YTHDC2: variants seen among roughly 807,000 people sequenced by gnomAD.
The protein encoded by YTHDC2 is 3'-5' RNA helicase YTHDC2.
Under a neutral mutation model 174.9 loss-of-function variants are expected in YTHDC2, and 45 were observed. The observed-to-expected ratio is 0.26, with a 90% CI of 0.20 to 0.33. The LOEUF (loss-of-function observed/expected upper bound fraction) is 0.33. Among genes scored for constraint, YTHDC2 ranks in the 10% least tolerant of loss-of-function variants. The probability of loss-of-function intolerance (pLI) is 1.00; values close to 1 mark genes in which losing one functional copy is unlikely to be tolerated. For synonymous variants in YTHDC2, 657 were observed against 574.5 expected (o/e 1.14, Z -2.05); for missense variants, 1,650 against 1,723.7 (o/e 0.96, Z 0.76).
At position 113,540,992 on chromosome 5, in the gene YTHDC2, C is replaced by G. The variant is rs778617591; in HGVS notation, c.1235C>G (p.Thr412Arg). The G allele has an allele frequency of 6.2e-7, 1 of 1,613,148 alleles. No homozygotes were observed. The highest frequency in any genetic ancestry group is 1.1e-5 in the South Asian group (1 of 90,874). Residue 412 changes from threonine to arginine, a missense_variant, in exon 9 of 30, where the codon ACA (threonine) becomes AGA (arginine). Thr to Arg is a moderately conservative substitution (Grantham distance 71, BLOSUM62 -1). This residue lies in a region of YTHDC2 where 411 missense variants were observed against 380.6 expected (regional missense o/e 1.08). Coordinates refer to ENST00000161863, the MANE Select transcript of YTHDC2 (RefSeq NM_022828.5). ...QQEEKQQTTL[T>R]EWYSAQENSF... is the part of the protein sequence containing the mutation. ...GAAGAGAAACAACAAACCACACTTA[C>G]AGAATGGTACTCAGCTCAAGAAAAT... is the stretch of plus-strand genomic sequence containing the variant.
At position 113,593,351 on chromosome 5, in the gene YTHDC2, C is replaced by T. The variant is rs147070324; in HGVS notation, c.4261C>T (p.Leu1421Phe). 86 of 1,612,824 alleles carry T rather than the reference C, an allele frequency of 5.3e-5. 1 individual carries two copies. The East Asian group carries it at 1.6e-3, about 30-fold the overall frequency. ...GEQLLQLWER[L>F]PLGEKNTTD ...ACAGTTGCTCCAGTTATGGGAACGT[C>T]TTCCCTTGGGAGAAAAAAACACAAC... is the stretch of plus-strand genomic sequence containing the variant. Residue 1421 changes from leucine (L) to phenylalanine (F), a missense_variant, in exon 29 of 30, where the codon CTT becomes TTT. Coordinates refer to ENST00000161863, the MANE Select transcript of YTHDC2 (RefSeq NM_022828.5).
At chr5:113,536,229 A>G (rs1775061626) in intron 7 of YTHDC2, among the ~76,000 whole-genome samples, 1 of 152,198 alleles carries the variant, frequency 6.6e-6, no homozygotes, top group Non-Finnish European at 1.5e-5. Context: ...TCCTCTTCAA[A>G]AAATACAAAA....
In YTHDC2 at chr5:113,579,562, T is replaced by C. The variant is rs769347104; in HGVS notation, c.3245-24T>C. The C allele has an allele frequency of 1.9e-6, 3 of 1,541,794 alleles. No individual in the cohort carries two copies. In the Admixed American group the frequency reaches 5.9e-5, roughly 30 times the overall value. On this transcript the variant is annotated intron_variant, in intron 23 of 29. Coordinates refer to ENST00000161863, the MANE Select transcript of YTHDC2 (RefSeq NM_022828.5). ...TAACGTAAGAAGGTAAAAGTGATTT[T>C]TTTTTCATTATGTACTTGGACAGTG...
intron 16 of YTHDC2, among the ~76,000 whole-genome samples, chr5:113,554,481 A>C (rs1441791024): frequency 1.3e-5 from 2 of 152,056 alleles, no homozygotes; most frequent in Non-Finnish European, 2.9e-5. Context: ...TGTTCAAAAG[A>C]TACTCAGTTC....
At chr5:113,563,783 T>C in intron 19 of YTHDC2, 76 bp from the exon 20 acceptor site, 2 of 1,495,084 alleles carry the variant, frequency 1.3e-6, no homozygotes, top group South Asian at 2.5e-5. Context: ...TTATTTCTCA[T>C]TTAGGGGTTT....
chr5:113,539,067 T>G lies in YTHDC2; in HGVS notation c.1103-7T>G. ...AGTTGAGTATTTAATTTTTTTTTAT[T>G]ATTTAGTACAGGGAAGACCATTTGA... On this transcript the variant is annotated splice_region_variant and splice_polypyrimidine_tract_variant and intron_variant, in intron 7 of 29. Coordinates refer to ENST00000161863, the MANE Select transcript of YTHDC2 (RefSeq NM_022828.5). 7.6e-7 allele frequency: 1 copy of G among 1,308,700 alleles called. No individual in the cohort carries two copies. Among genetic ancestry groups the G allele is most frequent in the Non-Finnish European group, 1.0e-6 (1 of 969,798 alleles). The allele number at this position is 1,308,700 out of a possible 1,614,324, so 81.1% of individuals were successfully genotyped here. A position where few individuals can be genotyped will look rare whatever the true frequency, so the allele number is the denominator to read the frequency against.
intron 2 of YTHDC2, among the ~76,000 whole-genome samples, chr5:113,519,835 G>C (rs1773740870): frequency 6.6e-6 from 1 of 152,064 alleles, no homozygotes; most frequent in Non-Finnish European, 1.5e-5. Context: ...TCACACAAAT[G>C]CCATTCAGAG....
In YTHDC2 at chr5:113,594,718, C is replaced by G. The variant is rs564024025; in HGVS notation, c.*1244C>G. On this transcript the variant is annotated 3_prime_UTR_variant, in exon 30 of 30. Coordinates refer to ENST00000161863, the MANE Select transcript of YTHDC2 (RefSeq NM_022828.5). ...CTCTAAATAGACAGGTTTGATGGCA[C>G]TTCTCATGATACATTTTAGTTATTC... The G allele has an allele frequency of 6.6e-6, 1 of 152,238 alleles. No individual in the cohort carries two copies. Among genetic ancestry groups the G allele is most frequent in the East Asian group, 1.9e-4 (1 of 5,184 alleles). The allele number at this position is 152,238 out of a possible 1,614,324, so 9.4% of individuals were successfully genotyped here.
At position 113,567,705 on chromosome 5, in the gene YTHDC2, T is replaced by G; in HGVS notation, c.3100T>G (p.Trp1034Gly). 1 of 1,608,536 alleles carries G rather than the reference T, an allele frequency of 6.2e-7. No individual in the cohort carries two copies. Among genetic ancestry groups the G allele is most frequent in the Non-Finnish European group, 8.5e-7 (1 of 1,177,782 alleles). ...AGCAATTAAGGCACTGCCCACAGAT[T>G]GGCTTATTTATGATGAAATGACCAG... ...AAAIKALPTD[W>G]LIYDEMTRAH... Residue 1034 changes from tryptophan to glycine, a missense_variant, in exon 23 of 30, where the codon TGG (tryptophan) becomes GGG (glycine). Physicochemically the swap from Trp to Gly is radical, Grantham distance 184 (BLOSUM62 -2). This residue lies in a region of YTHDC2 where 913 missense variants were observed against 940.4 expected (regional missense o/e 0.97). Coordinates refer to ENST00000161863, the MANE Select transcript of YTHDC2 (RefSeq NM_022828.5).
At position 113,561,111 on chromosome 5, in the gene YTHDC2, C is replaced by A. The variant is rs745327872; in HGVS notation, c.2248C>A (p.Arg750Ser). 6.2e-7 allele frequency: 1 copy of A among 1,608,660 alleles called. No individual in the cohort carries two copies. Among genetic ancestry groups the A allele is most frequent in the Admixed American group, 1.7e-5 (1 of 59,814 alleles). Residue 750 changes from arginine (R) to serine (S), a missense_variant, in exon 18 of 30, where the codon CGT (arginine) becomes AGT (serine). Arg to Ser is a moderately radical substitution (Grantham distance 110). Transcript: ENST00000161863. ...GCGATGTAGACCTGGAATTTGTTTT[C>A]GTCTGTTCAGTAGACTCCGATTCCA... Reference protein sequence around the residue: ...AGRCRPGICFRLFSRLRFQNM... With the variant: ...AGRCRPGICFSLFSRLRFQNM...
intron 10 of YTHDC2, among the ~76,000 whole-genome samples, chr5:113,544,926 A>T (rs1775753720): frequency 2.0e-5 from 3 of 152,014 alleles, no homozygotes; most frequent in Non-Finnish European, 4.4e-5. Context: ...ATTGATTCAT[A>T]TTGTTTTTGA....
At chr5:113,574,877 C>G (rs1381405644) in intron 23 of YTHDC2, among the ~76,000 whole-genome samples, 1 of 152,204 alleles carries the variant, frequency 6.6e-6, no homozygotes, top group Non-Finnish European at 1.5e-5. Flanking sequence ...CATGGGCTCA[C>G]AAAGGGATCC....
chr5:113,566,098 C>T (rs1017494553), intron 21 of YTHDC2, 79 bp downstream of exon 21: 5 of 1,361,128 alleles, frequency 3.7e-6, no homozygotes, highest in Non-Finnish European at 4.9e-6. Flanking sequence ...CTTATGTTAA[C>T]TGATGCCATC....
chr5:113,538,013 G>T (rs189220180), intron 7 of YTHDC2, among the ~76,000 whole-genome samples: 2 of 152,082 alleles, frequency 1.3e-5, no homozygotes, highest in East Asian at 3.9e-4. Context: ...TTCTTTTCAG[G>T]TTTCTTTGTT....
chr5:113,582,563 C>CA (rs1268250680), intron 25 of YTHDC2: 3 of 151,952 alleles, frequency 2.0e-5, no homozygotes, highest in African/African-American at 7.2e-5. Context: ...AAATTCATAA[C>CA]AAAAAACATT....
At chr5:113,567,929 C>T (rs1181038968) in intron 23 of YTHDC2, 80 bp downstream of exon 23, 1 of 1,116,516 alleles carries the variant, frequency 9.0e-7, no homozygotes, top group African/African-American at 1.6e-5. Flanking sequence ...TTTACTAAAC[C>T]AAATAATGAA....
At chr5:113,573,914 T>A (rs922109892) in intron 23 of YTHDC2, among the ~76,000 whole-genome samples, 2 of 152,232 alleles carry the variant, frequency 1.3e-5, no homozygotes, top group Non-Finnish European at 2.9e-5. Context: ...TATGCTTCTT[T>A]AGCTCAGCGA....
intron 2 of YTHDC2, 75 bp from the exon 3 acceptor site, chr5:113,524,906 T>A: frequency 1.8e-6 from 2 of 1,102,376 alleles, no homozygotes; most frequent in South Asian, 1.9e-5. Flanking sequence ...TGAGACATAT[T>A]TTCTAAGTGG....
At position 113,579,711 on chromosome 5, in the gene YTHDC2, G is replaced by C; in HGVS notation, c.3354+16G>C. ...GGAGCCAGAGGTAAGTTGCTTTCAA[G>C]TAGTGTAATAAATTTCTTTCATTCA... On this transcript the variant is annotated intron_variant, in intron 24 of 29. Transcript: ENST00000161863. The C allele has an allele frequency of 6.3e-7, 1 of 1,588,842 alleles. No homozygotes were observed. The highest frequency in any genetic ancestry group is 1.4e-5 in the African/African-American group (1 of 73,580).
Sources: allele counts gnomAD v4.1 joint callset (sites outside exome capture counted in the v4.1 genomes callset), GRCh38; gene constraint gnomAD v4.1.1; regional missense constraint gnomAD v4.1.1; transcripts MANE v1.5; gene names NCBI Gene and HGNC (gene_info 2026-07-23, HGNC 2026-07-21).